ACAP1: variants seen among roughly 807,000 people sequenced by gnomAD.
ACAP1 encodes arf-GAP with coiled-coil, ANK repeat and PH domain-containing protein 1.
Under a neutral mutation model 98.8 loss-of-function variants are expected in ACAP1, and 45 were observed. That is an observed-to-expected ratio of 0.46 (90% CI 0.36 to 0.58). ACAP1 has a LOEUF of 0.58. Ranked by LOEUF, ACAP1 falls within the 20% of genes least tolerant of loss-of-function variation. The probability of loss-of-function intolerance (pLI) is 0.00; values close to 1 mark genes in which losing one functional copy is unlikely to be tolerated. For missense variants in ACAP1, 735 were observed against 971.4 expected (o/e 0.76, Z 3.24); for synonymous variants, 362 against 375.3 (o/e 0.96, Z 0.41).
At position 7,348,110 on chromosome 17, in the gene ACAP1, G is replaced by T. The variant is rs1262612831; in HGVS notation, c.1414-17G>T. 2 of 1,613,822 alleles carry T rather than the reference G, an allele frequency of 1.2e-6. No homozygotes were observed. Among genetic ancestry groups the T allele is most frequent in the Non-Finnish European group, 1.7e-6 (2 of 1,179,798 alleles). ...CCCCACCTTCCCTGTCTCTGCCTCT[G>T]CCTGGGCCTCCTGAAGCTCATGTGT... On this transcript the variant is annotated splice_polypyrimidine_tract_variant and intron_variant, in intron 15 of 21. Coordinates refer to ENST00000158762, the MANE Select transcript of ACAP1 (RefSeq NM_014716.4).
Position 7,344,048 on chromosome 17 carries a change from G to C in ACAP1, c.670-1G>C, listed in dbSNP as rs1340208634. On this transcript the variant is annotated splice_acceptor_variant, in intron 8 of 21. Coordinates refer to ENST00000158762, the MANE Select transcript of ACAP1 (RefSeq NM_014716.4). LOFTEE classifies it high-confidence loss of function. The surrounding 1 kb of genome is among the most constrained non-coding windows in gnomAD (Gnocchi z 4.9). Reference sequence around the variant, plus strand: ...ATCTGAGATGCCCTTCCTGTGCCCAGTTGCACCAGCTGGTCTTGAATTCAG... The same window carrying C: ...ATCTGAGATGCCCTTCCTGTGCCCACTTGCACCAGCTGGTCTTGAATTCAG... The C allele has an allele frequency of 3.1e-6, 5 of 1,591,090 alleles. No individual in the cohort carries two copies. Among genetic ancestry groups the C allele is most frequent in the Non-Finnish European group, 3.4e-6 (4 of 1,168,146 alleles).
chr17:7,348,647 A>G (rs2073371943), intron 17 of ACAP1, 172 bp downstream of exon 17: 2 of 662,532 alleles, frequency 3.0e-6, no homozygotes, highest in Middle Eastern at 4.8e-4. Flanking sequence ...ATGAGAAGGA[A>G]TGTGGGGCTG....
At position 7,350,483 on chromosome 17, in the gene ACAP1, G is replaced by A. The variant is rs1597656288; in HGVS notation, c.2072+246G>A. The A allele has an allele frequency of 3.5e-6, 2 of 563,584 alleles. No homozygotes were observed. The highest frequency in any genetic ancestry group is 3.2e-5 in the Admixed American group (1 of 30,902). 34.9% of individuals were successfully genotyped at this position (563,584 alleles called of 1,614,324 possible). A position where few individuals can be genotyped will look rare whatever the true frequency, so the allele number is the denominator to read the frequency against. ...GGATGCTTGGCCCACCCTGAGAGGC[G>A]TAATTCGCCCATCAACATTGCTGTC... On this transcript the variant is annotated intron_variant, in intron 20 of 21. Transcript: ENST00000158762. This position sits in a 1 kb window ranked among gnomAD's most constrained non-coding sequence, Gnocchi z 4.6.
At position 7,351,003 on chromosome 17, in the gene ACAP1, A is replaced by C. The variant is rs757926129; in HGVS notation, c.2122+4A>C. 1.9e-6 allele frequency: 3 copies of C among 1,614,070 alleles called. No individual in the cohort carries two copies. The South Asian group carries it at 3.3e-5, about 18-fold the overall frequency. On this transcript the variant is annotated splice_donor_region_variant and intron_variant, in intron 21 of 21. Coordinates refer to ENST00000158762, the MANE Select transcript of ACAP1 (RefSeq NM_014716.4). ...GAAGCGGCCCAGGGGCAGGCAGGTA[A>C]AGAATACACCCACCCCACCCCCCAG...
At position 7,348,148 on chromosome 17, in the gene ACAP1, GTCA is replaced by G. The variant is rs1391718974; in HGVS notation, c.1442_1444del (p.Ile481del). ...GAAGCTCATGTGTGAGCTGGGAAAT[GTCA>G]TCATCAACCAGATCTATGAGGCCCG... On this transcript the variant is annotated inframe_deletion, in exon 16 of 22. Coordinates refer to ENST00000158762, the MANE Select transcript of ACAP1 (RefSeq NM_014716.4). The G allele has an allele frequency of 6.2e-7, 1 of 1,613,976 alleles. No individual in the cohort carries two copies. Among genetic ancestry groups the G allele is most frequent in the Non-Finnish European group, 8.5e-7 (1 of 1,179,980 alleles).
At chr17:7,339,382 A>T (rs1815608007) in intron 2 of ACAP1, among the ~76,000 whole-genome samples, 1 of 152,058 alleles carries the variant, frequency 6.6e-6, no homozygotes, top group Non-Finnish European at 1.5e-5. Flanking sequence ...AGGCTGCGGC[A>T]GGTGGATCAC....
chr17:7,337,126 C>G, intron 1 of ACAP1, 186 bp from the exon 2 acceptor site: 3 of 674,334 alleles, frequency 4.4e-6, no homozygotes, highest in Admixed American at 2.5e-5. Context: ...CCTTCCTGCT[C>G]TGGCCTGGGC....
chr17:7,347,126 C>G lies in ACAP1; in HGVS notation c.1227C>G (p.Ala409=), dbSNP rs1314483318. The change falls in exon 14 of 22, where the codon GCC becomes GCG. Residue 409 remains alanine, a synonymous_variant. Coordinates refer to ENST00000158762, the MANE Select transcript of ACAP1 (RefSeq NM_014716.4). Reference sequence around the variant, plus strand: ...CTGGGGGAGTCGGGCACGTGGTGGCCCAGGTCCAGAGTGTGGATGGCAATG... The same window carrying G: ...CTGGGGGAGTCGGGCACGTGGTGGCGCAGGTCCAGAGTGTGGATGGCAATG... ...REPGGVGHVV[A]QVQSVDGNAQ... is the part of the protein sequence containing the mutation. The G allele has an allele frequency of 6.2e-7, 1 of 1,613,970 alleles. No individual in the cohort carries two copies. Among genetic ancestry groups the G allele is most frequent in the Middle Eastern group, 1.7e-4 (1 of 6,046 alleles).
chr17:7,347,292 C>T (rs756448289), intron 14 of ACAP1, 50 bp downstream of exon 14: 26 of 1,522,056 alleles, frequency 1.7e-5, no homozygotes, highest in African/African-American at 4.1e-5. Flanking sequence ...GGCCACAGTG[C>T]GGCTCCAATA....
intron 2 of ACAP1, among the ~76,000 whole-genome samples, chr17:7,340,571 GCA>G (rs2073266012): frequency 6.6e-6 from 1 of 152,198 alleles, no homozygotes; most frequent in Non-Finnish European, 1.5e-5. Context: ...CAGGCCAGGT[GCA>G]GTGGCTCATG....
Position 7,348,814 on chromosome 17 carries a change from C to T in ACAP1, c.1679-181C>T, listed in dbSNP as rs183250033. 2.1e-3 allele frequency: 1,315 copies of T among 614,642 alleles called. 2 individuals carry two copies. Among genetic ancestry groups the T allele is most frequent in the South Asian group, 3.1e-3 (143 of 46,404 alleles). 38.1% of individuals were successfully genotyped at this position (614,642 alleles called of 1,614,324 possible). On this transcript the variant is annotated intron_variant, in intron 17 of 21. Transcript: ENST00000158762. ...GTCTCTCCCCCACACCCTAGGGACT[C>T]GTACACATGCATACGCATACTTACA...
rs1249477054 is a variant in ACAP1 at position 7,336,615 on chromosome 17, C to T, written c.-120C>T. ...AGAATTGTGCCCCCAGGCCCTTCCCCGCGGAGGTCCCTCTCCTCCTTCCCC... is the reference window on the plus strand; with the variant it reads ...AGAATTGTGCCCCCAGGCCCTTCCCTGCGGAGGTCCCTCTCCTCCTTCCCC... On this transcript the variant is annotated 5_prime_UTR_variant, in exon 1 of 22. Transcript: ENST00000158762. 8 of 1,054,554 alleles carry T rather than the reference C, an allele frequency of 7.6e-6. No homozygotes were observed. Among genetic ancestry groups the T allele is most frequent in the African/African-American group, 4.7e-5 (3 of 64,174 alleles). The allele number at this position is 1,054,554 out of a possible 1,614,324, so 65.3% of individuals were successfully genotyped here. A position where few individuals can be genotyped will look rare whatever the true frequency, so the allele number is the denominator to read the frequency against.
In ACAP1 at chr17:7,343,951, G is replaced by A. The variant is rs746523412; in HGVS notation, c.664G>A (p.Ala222Thr). Residue 222 changes from alanine (A) to threonine (T), a missense_variant, in exon 8 of 22, where the codon GCC becomes ACC. Physicochemically the swap from Ala to Thr is moderately conservative, Grantham distance 58. This residue lies in a region of ACAP1 where 430 missense variants were observed against 531.8 expected (regional missense o/e 0.81). Transcript: ENST00000158762. The surrounding 1 kb of genome is among the most constrained non-coding windows in gnomAD (Gnocchi z 4.9). ...GTCCCAGTATCGAAAGGAGCTGGGC[G>A]CCCAGGTGGGGCCCCAGGGCACAGC... Reference protein sequence around the residue: ...RLSQYRKELGAQLHQLVLNSA... With the variant: ...RLSQYRKELGTQLHQLVLNSA... 1.3e-5 allele frequency: 20 copies of A among 1,588,092 alleles called. No individual in the cohort carries two copies. Among genetic ancestry groups the A allele is most frequent in the Middle Eastern group, 1.7e-4 (1 of 6,032 alleles).
rs567059211 is a variant in ACAP1, at chr17:7,350,955, G to A, written c.2078G>A (p.Arg693Gln). The A allele has an allele frequency of 6.2e-7, 1 of 1,613,866 alleles. No homozygotes were observed. Among genetic ancestry groups the A allele is most frequent in the East Asian group, 2.2e-5 (1 of 44,850 alleles). The stretch of plus-strand genomic sequence containing the variant: ...CTTAATTCCCTCCTCTTCAGGCTAC[G>A]ACTGGCAAAGATGAGGGAGGCTGAA... Reference protein sequence around the residue: ...TANADIVTLLRLAKMREAEAA... With the variant: ...TANADIVTLLQLAKMREAEAA... Residue 693 changes from arginine (R) to glutamine (Q), a missense_variant, in exon 21 of 22, where the codon CGA (arginine) becomes CAA (glutamine). Transcript: ENST00000158762. This position sits in a 1 kb window ranked among gnomAD's most constrained non-coding sequence, Gnocchi z 4.6.
intron 2 of ACAP1, among the ~76,000 whole-genome samples, chr17:7,338,893 G>C (rs1454155563): frequency 3.3e-5 from 5 of 152,044 alleles, no homozygotes; most frequent in African/African-American, 1.2e-4. Context: ...GACTAGTGAG[G>C]AGAGGTCTCA....
intron 18 of ACAP1, 57 bp downstream of exon 18, chr17:7,349,224 C>A (rs185292509): frequency 3.0e-4 from 468 of 1,586,094 alleles, no homozygotes; most frequent in Middle Eastern, 8.6e-4. Flanking sequence ...CTACTCCTGA[C>A]TCTGGGCCCT....
At chr17:7,339,392 C>T (rs538112487) in intron 2 of ACAP1, among the ~76,000 whole-genome samples, 20 of 152,256 alleles carry the variant, frequency 1.3e-4, no homozygotes, top group African/African-American at 4.6e-4. Context: ...AGGTGGATCA[C>T]GAGGTCAGGA....
At chr17:7,341,433 G>C (rs2073277224) in intron 2 of ACAP1, among the ~76,000 whole-genome samples, 1 of 152,248 alleles carries the variant, frequency 6.6e-6, no homozygotes, top group Admixed American at 6.5e-5. Context: ...GTAGAGATGA[G>C]GTTTCACCAT....
At position 7,348,176 on chromosome 17, in the gene ACAP1, G is replaced by T. The variant is rs768382654; in HGVS notation, c.1463G>T (p.Arg488Leu). Residue 488 changes from arginine (R) to leucine (L), a missense_variant, in exon 16 of 22, where the codon CGC becomes CTC. Physicochemically the swap from Arg to Leu is moderately radical, Grantham distance 102 (BLOSUM62 -2). Around this residue, in one of 5 missense-constraint regions of ACAP1, gnomAD observed 81 missense variants for 132.0 expected, o/e 0.61. Transcript: ENST00000158762. ...NVIINQIYEA[R>L]VEAMAVKKPG... The stretch of plus-strand genomic sequence containing the variant: ...ATCATCAACCAGATCTATGAGGCCC[G>T]CGTGGAGGCCATGGCAGTGAAGAAA... 2 of 1,614,050 alleles carry T rather than the reference G, an allele frequency of 1.2e-6. No individual in the cohort carries two copies. The highest frequency in any genetic ancestry group is 1.1e-5 in the South Asian group (1 of 91,058).
Sources: allele counts gnomAD v4.1 joint callset (sites outside exome capture counted in the v4.1 genomes callset), GRCh38; gene constraint gnomAD v4.1.1; regional missense constraint gnomAD v4.1.1; non-coding constraint Gnocchi (gnomAD v3.1); transcripts MANE v1.5; gene names NCBI Gene and HGNC (gene_info 2026-07-23, HGNC 2026-07-21).